The following GRK4 variants were observed in gnomAD, a reference collection of about 807,000 sequenced individuals.
GRK4 encodes G protein-coupled receptor kinase 4, also known as G protein-coupled receptor kinase 2-like.
Under a neutral mutation model 77.9 loss-of-function variants are expected in GRK4, and 73 were observed. The ratio of observed to expected loss-of-function variants is 0.94; its 90% confidence interval spans 0.78 to 1.14. GRK4 has a LOEUF of 1.14. GRK4 is among the 50% of genes most tolerant of loss of function. The pLI is 0.00. For missense variants in GRK4, 729 were observed against 700.2 expected (o/e 1.04, Z -0.46); for synonymous variants, 257 against 254.4 (o/e 1.01, Z -0.10).
chr4:2,976,989 T>C (rs562559415), intron 1 of GRK4, among the ~76,000 whole-genome samples: 1 of 152,312 alleles, frequency 6.6e-6, no homozygotes, highest in East Asian at 1.9e-4. Flanking sequence ...GGGGGCTGTC[T>C]TGAGGCAGCA....
intron 4 of GRK4, among the ~76,000 whole-genome samples, chr4:3,000,442 G>A (rs757334995): frequency 1.4e-4 from 21 of 152,130 alleles, no homozygotes; most frequent in Non-Finnish European, 8.8e-5. Flanking sequence ...TATTGTCTTT[G>A]TCTTCTGAGA....
intron 7 of GRK4, among the ~76,000 whole-genome samples, chr4:3,011,445 TA>T (rs1348346882): frequency 6.6e-6 from 1 of 152,122 alleles, no homozygotes; most frequent in African/African-American, 2.4e-5. Flanking sequence ...ATAAATACAT[TA>T]AAAAAGAAGA....
chr4:3,017,396 C>T (rs933447021), intron 8 of GRK4, among the ~76,000 whole-genome samples: 5 of 152,150 alleles, frequency 3.3e-5, no homozygotes, highest in Admixed American at 1.3e-4. Flanking sequence ...TCCTCCACCA[C>T]GATATTAGGA....
At chr4:2,968,097 G>GTT (rs35715694) in intron 1 of GRK4, among the ~76,000 whole-genome samples, 5 of 145,234 alleles carry the variant, frequency 3.4e-5, no homozygotes, top group Non-Finnish European at 6.1e-5. Context: ...GGCCTGTTTT[G>GTT]TTTTTTTTTT....
intron 4 of GRK4, among the ~76,000 whole-genome samples, chr4:2,994,255 G>T (rs1172991120): frequency 6.6e-6 from 1 of 152,230 alleles, no homozygotes; most frequent in African/African-American, 2.4e-5. Context: ...CTGTTGTGCA[G>T]GTTGGAGTGC....
chr4:3,024,196 C>G (rs1736799454), intron 10 of GRK4, among the ~76,000 whole-genome samples: 2 of 152,198 alleles, frequency 1.3e-5, no homozygotes, highest in South Asian at 4.1e-4. Context: ...GGCCAGTTCC[C>G]TGTCTCTTCT....
rs1730746732 is a variant in GRK4 at position 3,004,527 on chromosome 4, C to A, written c.443+193C>A. 2.0e-5 allele frequency among the ~76,000 whole-genome samples: 3 copies of A among 152,280 alleles called. No individual in the cohort carries two copies. In the South Asian group the frequency reaches 6.2e-4, roughly 32 times the overall value. On this transcript the variant is annotated intron_variant, in intron 5 of 15. Coordinates refer to ENST00000398052, the MANE Select transcript of GRK4 (RefSeq NM_182982.3). ...ATCTGTGTGTAACTTTTGACTCCCC[C>A]AAAAGCTTAACTACCATTAGCCTAC...
intron 1 of GRK4, among the ~76,000 whole-genome samples, chr4:2,982,171 C>G (rs896418472): frequency 6.6e-6 from 1 of 152,150 alleles, no homozygotes; most frequent in African/African-American, 2.4e-5. Flanking sequence ...CAGCTGCTCC[C>G]AGTAGTGTGG....
chr4:2,987,270 C>T, intron 2 of GRK4: 1 of 356,714 alleles, frequency 2.8e-6, no homozygotes. Context: ...CAAAGTACTT[C>T]ATCCTTTTTT....
chr4:3,039,261 A>G (rs1162645841), intron 15 of GRK4, among the ~76,000 whole-genome samples: 1 of 152,198 alleles, frequency 6.6e-6, no homozygotes, highest in Non-Finnish European at 1.5e-5. Context: ...GACTTTCTGT[A>G]ATAGCATTAA....
intron 1 of GRK4, among the ~76,000 whole-genome samples, chr4:2,971,376 G>A (rs947054500): frequency 6.6e-6 from 1 of 152,060 alleles, no homozygotes; most frequent in Non-Finnish European, 1.5e-5. Flanking sequence ...TGCTTCATTG[G>A]CCAGAGGACT....
intron 8 of GRK4, among the ~76,000 whole-genome samples, chr4:3,016,678 T>A (rs1578271728): frequency 6.8e-6 from 1 of 148,012 alleles, no homozygotes. Context: ...CCAGCCTGGG[T>A]GACAGAGTGA....
At chr4:3,014,296 CTTT>C (rs60684225) in intron 8 of GRK4, among the ~76,000 whole-genome samples, 19 of 118,946 alleles carry the variant, frequency 1.6e-4, no homozygotes, top group South Asian at 2.8e-4. Flanking sequence ...CTCTCTCTCT[CTTT>C]TTTTTTTTTT....
In GRK4 at chr4:2,978,225, T is replaced by C. The variant is rs1050572900; in HGVS notation, c.53-6288T>C. Among the ~76,000 whole-genome samples, 3 of 152,192 alleles carry C rather than the reference T, an allele frequency of 2.0e-5. No individual in the cohort carries two copies. In the South Asian group the frequency reaches 6.2e-4, roughly 32 times the overall value. ...CTTTAAAATTACTTTATGTAGAAGG[T>C]TCTTGGTTATCTCATAGACTGTGGC... On this transcript the variant is annotated intron_variant, in intron 1 of 15. Transcript: ENST00000398052.
intron 6 of GRK4, among the ~76,000 whole-genome samples, chr4:3,008,803 A>G (rs923104743): frequency 1.5e-5 from 2 of 129,092 alleles, no homozygotes; most frequent in Non-Finnish European, 3.2e-5. Context: ...ACTCTGTCTC[A>G]AAAAAAAAAA....
At chr4:3,022,481 G>C in intron 10 of GRK4, 30 bp downstream of exon 10, 1 of 1,605,272 alleles carries the variant, frequency 6.2e-7, no homozygotes, top group Non-Finnish European at 8.5e-7. Flanking sequence ...ACATCTAATG[G>C]GTAGACTTTG....
intron 10 of GRK4, among the ~76,000 whole-genome samples, chr4:3,023,628 C>A (rs16843735): frequency 6.6e-6 from 1 of 152,140 alleles, no homozygotes; most frequent in Non-Finnish European, 1.5e-5. Context: ...TCAGACTTGT[C>A]CAAGGTTGTG....
At chr4:3,001,367 ATAT>A (rs200630769) in intron 4 of GRK4, among the ~76,000 whole-genome samples, 20,595 of 115,222 alleles carry the variant, frequency 0.18, 2,218 homozygotes, top group Non-Finnish European at 0.19. Context: ...ATATATATAT[ATAT>A]TTTTTTTTTT....
intron 4 of GRK4, among the ~76,000 whole-genome samples, chr4:3,002,153 A>G (rs1287126897): frequency 3.3e-5 from 5 of 152,204 alleles, no homozygotes; most frequent in Non-Finnish European, 7.3e-5. Flanking sequence ...TCTATCCTAT[A>G]GAAATACACA....
Sources: allele counts gnomAD v4.1 joint callset (sites outside exome capture counted in the v4.1 genomes callset), GRCh38; gene constraint gnomAD v4.1.1; transcripts MANE v1.5; gene names NCBI Gene and HGNC (gene_info 2026-07-23, HGNC 2026-07-21).